RGMA: variants seen among roughly 807,000 people sequenced by gnomAD.
RGMA encodes the protein repulsive guidance molecule BMP co-receptor a, also known as repulsive guidance molecule A.
In RGMA, 10 loss-of-function variants were observed where a neutral mutation model predicts 23.2. The ratio of observed to expected loss-of-function variants is 0.43; its 90% CI spans 0.27 to 0.73. RGMA has a LOEUF of 0.73. Ranked by LOEUF, RGMA falls within the 30% of genes least tolerant of loss-of-function variation. RGMA has a pLI of 0.20. For missense variants in RGMA, 547 were observed against 630.5 expected (o/e 0.87, Z 1.42); for synonymous variants, 308 against 279.3 (o/e 1.10, Z -1.03).
intron 3 of RGMA, among the ~76,000 whole-genome samples, 181 bp downstream of exon 3, chr15:93,051,812 G>A (rs1373366289): frequency 6.6e-6 from 1 of 152,234 alleles, no homozygotes; most frequent in Non-Finnish European, 1.5e-5. Context: ...CTGGCTCGAG[G>A]AAGGAGGGAG....
chr15:93,061,257 A>C (rs1894954436), intron 2 of RGMA, among the ~76,000 whole-genome samples: 1 of 152,162 alleles, frequency 6.6e-6, no homozygotes, highest in African/African-American at 2.4e-5. Context: ...AGGTTCAAGC[A>C]ATTCTCCTGC....
Position 93,044,917 on chromosome 15 carries a change from T to A in RGMA, c.*81A>T. ...GGGCCATGGTGGACACGCCAGGAGA[T>A]CTGCACCCCGTGGGCGGTCCCAGCC... On this transcript the variant is annotated 3_prime_UTR_variant, in exon 4 of 4. Coordinates refer to ENST00000329082, the MANE Select transcript of RGMA (RefSeq NM_020211.3). 8.2e-7 allele frequency: 1 copy of A among 1,214,932 alleles called. No homozygotes were observed. Among genetic ancestry groups the A allele is most frequent in the Admixed American group, 2.4e-5 (1 of 41,296 alleles). 75.3% of individuals were successfully genotyped at this position (1,214,932 alleles called of 1,614,324 possible).
chr15:93,036,179 C>A lies in RGMA; in HGVS notation c.*8819G>T, dbSNP rs1209900538. 6.6e-6 allele frequency: 1 copy of A among 152,272 alleles called. No homozygotes were observed. Among genetic ancestry groups the A allele is most frequent in the East Asian group, 1.9e-4 (1 of 5,200 alleles). The allele number at this position is 152,272 out of a possible 1,614,324, so 9.4% of individuals were successfully genotyped here. On this transcript the variant is annotated 3_prime_UTR_variant, in exon 4 of 4. Coordinates refer to ENST00000329082, the MANE Select transcript of RGMA (RefSeq NM_020211.3). ...ATTCATTCGAGCGACCACAGCTGTA[C>A]TGCCGACATCAAGCATAGCCCCCCA...
intron 2 of RGMA, among the ~76,000 whole-genome samples, chr15:93,069,552 C>CTGA (rs1567191884): frequency 4.0e-5 from 6 of 151,688 alleles, no homozygotes; most frequent in Admixed American, 1.3e-4. Context: ...AGCTGCAGTT[C>CTGA]AAAGTATAAG....
chr15:93,088,771 C>T, intron 1 of RGMA, 148 bp downstream of exon 1: 1 of 814,616 alleles, frequency 1.2e-6, no homozygotes, highest in Non-Finnish European at 1.9e-6. Context: ...GCGATAGAGG[C>T]GCAGCAAAGC....
intron 1 of RGMA, chr15:93,088,503 C>T (rs1895679611): frequency 3.0e-6 from 3 of 993,794 alleles, no homozygotes; most frequent in Non-Finnish European, 3.6e-6. Context: ...GGCAGCTCCG[C>T]AGCCGGGCGT....
In RGMA at chr15:93,052,490, T is replaced by C. The variant is rs1303866494; in HGVS notation, c.148A>G (p.Ile50Val). The change falls in exon 3 of 4, where the codon ATC (isoleucine) becomes GTC (valine). Residue 50 changes from isoleucine (I) to valine (V), a missense_variant. By Grantham distance (29) the Ile-to-Val change is conservative. Around this residue, in one of 3 missense-constraint regions of RGMA, gnomAD observed 214 missense variants for 234.7 expected, o/e 0.91. Transcript: ENST00000329082. ...SFPAATSPCK[I>V]LKCNSEFWSA... ...CAGAACTCAGAGTTGCACTTGAGGA[T>C]CTTGCACGGGGAGGTGGCTGAGGAG... 6.4e-7 allele frequency: 1 copy of C among 1,574,784 alleles called. No individual in the cohort carries two copies. Among genetic ancestry groups the C allele is most frequent in the South Asian group, 1.1e-5 (1 of 90,036 alleles).
chr15:93,078,135 C>G (rs1338937665), intron 1 of RGMA, among the ~76,000 whole-genome samples: 1 of 152,224 alleles, frequency 6.6e-6, no homozygotes, highest in Non-Finnish European at 1.5e-5. Context: ...TCTTCCTGAG[C>G]TCCTGTGAGC....
intron 2 of RGMA, among the ~76,000 whole-genome samples, chr15:93,070,813 C>G (rs1165216251): frequency 6.6e-6 from 1 of 152,172 alleles, no homozygotes; most frequent in Non-Finnish European, 1.5e-5. Flanking sequence ...GCCTTGACGC[C>G]AAAAAGAAAT....
chr15:93,088,693 G>T (rs1313207951), intron 1 of RGMA: 6 of 796,074 alleles, frequency 7.5e-6, no homozygotes, highest in African/African-American at 1.9e-5. Flanking sequence ...GGCTGCCCGG[G>T]GGAGAGTATT....
At chr15:93,048,768 C>T (rs530608631) in intron 3 of RGMA, among the ~76,000 whole-genome samples, 3 of 152,208 alleles carry the variant, frequency 2.0e-5, no homozygotes, top group East Asian at 1.9e-4. Context: ...CAGCCCACCT[C>T]GGTGGGGAGG....
rs1000772258 is a variant in RGMA, at chr15:93,044,614, C to T, written c.*384G>A. On this transcript the variant is annotated 3_prime_UTR_variant, in exon 4 of 4. Transcript: ENST00000329082. ...GGGCACAGGGGGCCCCACGGATCGG[C>T]GAGCAGCAGTCGGCCGGGCCTTTCA... 41 of 276,272 alleles carry T rather than the reference C, an allele frequency of 1.5e-4. No individual in the cohort carries two copies. Among genetic ancestry groups the T allele is most frequent in the African/African-American group, 7.6e-4 (34 of 44,934 alleles). The allele number at this position is 276,272 out of a possible 1,614,324, so 17.1% of individuals were successfully genotyped here.
Position 93,072,920 on chromosome 15 carries a change from G to C in RGMA, c.126C>G (p.Pro42=), listed in dbSNP as rs1210194884. ...PTLAFLLCSF[P]AATSPCKILK... is the part of the protein sequence containing the mutation. ...GCCCGGCCGGCAGTGCCTTACCTGC[G>C]GGGAAGCTGCAGAGAAGGAAGGCGA... is the stretch of plus-strand genomic sequence containing the variant. Residue 42 remains proline, a synonymous_variant, in exon 2 of 4, where the codon CCC becomes CCG. Coordinates refer to ENST00000329082, the MANE Select transcript of RGMA (RefSeq NM_020211.3). The C allele has an allele frequency of 3.7e-6, 6 of 1,604,860 alleles. No individual in the cohort carries two copies. In the East Asian group the frequency reaches 6.8e-5, roughly 18 times the overall value.
chr15:93,049,126 C>G lies in RGMA; in HGVS notation c.645+2867G>C, dbSNP rs73458363. 8.6e-3 allele frequency among the ~76,000 whole-genome samples: 1,303 copies of G among 152,348 alleles called. 26 individuals carry two copies. The highest frequency in any genetic ancestry group is 0.029 in the African/African-American group (1,217 of 41,584). On this transcript the variant is annotated intron_variant, in intron 3 of 3. Transcript: ENST00000329082. ...CGCTGCCAACACAGCCACGGGCGGGCTGCCGCTCCTGTCTCTGCTGCTCCC... is the reference window on the plus strand; with the variant it reads ...CGCTGCCAACACAGCCACGGGCGGGGTGCCGCTCCTGTCTCTGCTGCTCCC...
At chr15:93,070,110 T>C (rs1895276554) in intron 2 of RGMA, among the ~76,000 whole-genome samples, 1 of 152,158 alleles carries the variant, frequency 6.6e-6, no homozygotes, top group South Asian at 2.1e-4. Context: ...CACCAGGCTG[T>C]GGTCTGCCTG....
chr15:93,056,430 C>T (rs757730992), intron 2 of RGMA, among the ~76,000 whole-genome samples: 1 of 152,132 alleles, frequency 6.6e-6, no homozygotes, highest in South Asian at 2.1e-4. Context: ...TTCTCCGTTC[C>T]ACATGGGCAC....
At position 93,045,074 on chromosome 15, in the gene RGMA, G is replaced by A. The variant is rs753411925; in HGVS notation, c.1277C>T (p.Ala426Val). ...GGGCCGGGGGGCCAGGGGCAGCCCC[G>A]CAGCCGCCCTGCCTGGCAGGTCCCG... is the stretch of plus-strand genomic sequence containing the variant. ...RTRDLPGRAA[A>V]GLPLAPRPLL... is the part of the protein sequence containing the mutation. Residue 426 changes from alanine to valine, a missense_variant, in exon 4 of 4, where the codon GCG (alanine) becomes GTG (valine). Physicochemically the swap from Ala to Val is moderately conservative, Grantham distance 64. Around this residue, in one of 3 missense-constraint regions of RGMA, gnomAD observed 205 missense variants for 204.1 expected, o/e 1.00. Coordinates refer to ENST00000329082, the MANE Select transcript of RGMA (RefSeq NM_020211.3). The surrounding 1 kb of genome is among the most constrained non-coding windows in gnomAD (Gnocchi z 6.9). 1.0e-5 allele frequency: 16 copies of A among 1,573,284 alleles called. No homozygotes were observed. The highest frequency in any genetic ancestry group is 1.4e-5 in the Non-Finnish European group (16 of 1,159,644).
chr15:93,079,257 C>T (rs1322714730), intron 1 of RGMA, among the ~76,000 whole-genome samples: 1 of 152,202 alleles, frequency 6.6e-6, no homozygotes, highest in Admixed American at 6.5e-5. Context: ...GCAATTTCCC[C>T]GCACATGCTG....
At chr15:93,074,844 C>A (rs554439121) in intron 1 of RGMA, among the ~76,000 whole-genome samples, 2 of 152,340 alleles carry the variant, frequency 1.3e-5, no homozygotes, top group South Asian at 4.1e-4. Context: ...GACCAAGTGG[C>A]CTTTCCACTA....
Sources: gnomAD v4.1 joint callset for allele counts (sites outside exome capture counted in the v4.1 genomes callset) on GRCh38, gnomAD v4.1.1 for gene constraint, gnomAD v4.1.1 regional missense constraint, Gnocchi (gnomAD v3.1) non-coding constraint, MANE v1.5 for transcripts, NCBI Gene and HGNC (gene_info 2026-07-23, HGNC 2026-07-21) for gene names.